MYMX: variants seen among roughly 807,000 people sequenced by gnomAD.
MYMX encodes the protein protein myomixer.
chr6:44,193,094 C>T, the MYMX span, among the ~76,000 whole-genome samples: 34 of 152,138 alleles, frequency 2.2e-4, no homozygotes, highest in South Asian at 7.1e-3. Flanking sequence ...TTTCTGTCAC[C>T]GAGGCCCTCT....
At chr6:44,205,457 G>A in the MYMX span, among the ~76,000 whole-genome samples, 2 of 152,036 alleles carry the variant, frequency 1.3e-5, no homozygotes, top group South Asian at 2.1e-4. Flanking sequence ...CTAAGAGTTT[G>A]AGACCAGCCT....
upstream of MYMX, among the ~76,000 whole-genome samples, chr6:44,216,567 G>A (rs1021580351): frequency 2.0e-5 from 3 of 149,378 alleles, no homozygotes; most frequent in East Asian, 2.0e-4. Flanking sequence ...TAGGAGAATC[G>A]CTTGAACCCA....
the MYMX span, among the ~76,000 whole-genome samples, chr6:44,198,521 A>AT: frequency 3.5e-5 from 5 of 142,202 alleles, no homozygotes; most frequent in African/African-American, 1.3e-4. Context: ...TTACTTATTT[A>AT]TTTTTTTGAC....
the MYMX span, among the ~76,000 whole-genome samples, chr6:44,206,491 CA>C: frequency 6.6e-6 from 1 of 152,196 alleles, no homozygotes; most frequent in Non-Finnish European, 1.5e-5. Context: ...CTCGGCCTCC[CA>C]AAGTGTTGGG....
chr6:44,203,872 G>A, the MYMX span, among the ~76,000 whole-genome samples: 8 of 152,074 alleles, frequency 5.3e-5, no homozygotes, highest in Non-Finnish European at 1.2e-4. Flanking sequence ...TTTTGAGACA[G>A]AGTCTCGCTC....
upstream of MYMX, among the ~76,000 whole-genome samples, chr6:44,216,652 C>CA (rs547725984): frequency 1.7e-3 from 205 of 117,218 alleles, no homozygotes; most frequent in Middle Eastern, 4.4e-3. Flanking sequence ...AACTCTGTCT[C>CA]AAAAAAAAAA....
the MYMX span, among the ~76,000 whole-genome samples, chr6:44,211,174 T>C: frequency 2.0e-5 from 3 of 152,180 alleles, no homozygotes; most frequent in Non-Finnish European, 4.4e-5. Flanking sequence ...TATTTATAGA[T>C]TTGTCATTCT....
At chr6:44,202,281 C>T in the MYMX span, among the ~76,000 whole-genome samples, 1 of 152,008 alleles carries the variant, frequency 6.6e-6, no homozygotes, top group South Asian at 2.1e-4. Context: ...ATGTCTGGCC[C>T]GATTAACTGA....
the MYMX span, among the ~76,000 whole-genome samples, chr6:44,193,739 T>C: frequency 6.6e-6 from 1 of 152,170 alleles, no homozygotes; most frequent in Non-Finnish European, 1.5e-5. Flanking sequence ...TCCCAGCACT[T>C]TGGGAGGCCA....
Position 44,218,005 on chromosome 6 carries a change from G to C in MYMX, c.*279G>C, listed in dbSNP as rs1775975982. 3.2e-6 allele frequency: 1 copy of C among 308,920 alleles called. No homozygotes were observed. Among genetic ancestry groups the C allele is most frequent in the African/African-American group, 2.1e-5 (1 of 46,790 alleles). 19.1% of individuals were successfully genotyped at this position (308,920 alleles called of 1,614,324 possible). On this transcript the variant is annotated 3_prime_UTR_variant, in exon 2 of 2. Transcript: ENST00000573382. ...ATCACCTCTGGCCTCAGGCGGGAGG[G>C]GAACTAACACCCACCCACCCCTGCC...
chr6:44,214,884 C>G (rs781759763), upstream of MYMX, among the ~76,000 whole-genome samples: 2 of 152,108 alleles, frequency 1.3e-5, no homozygotes, highest in African/African-American at 4.8e-5. Flanking sequence ...GTGGTGAGAA[C>G]TGAGCGAGAT....
At chr6:44,193,054 T>A in the MYMX span, among the ~76,000 whole-genome samples, 2 of 152,204 alleles carry the variant, frequency 1.3e-5, no homozygotes, top group South Asian at 4.2e-4. Flanking sequence ...TGCACAAACT[T>A]TTTTACCTTG....
At chr6:44,202,947 G>A in the MYMX span, among the ~76,000 whole-genome samples, 4 of 152,190 alleles carry the variant, frequency 2.6e-5, no homozygotes, top group Non-Finnish European at 4.4e-5. Flanking sequence ...CGGTGGGGTA[G>A]GAGTATCTGG....
the MYMX span, among the ~76,000 whole-genome samples, chr6:44,195,763 G>A: frequency 3.1e-4 from 47 of 152,178 alleles, no homozygotes; most frequent in African/African-American, 1.1e-3. Context: ...CTCACGTTAT[G>A]TATCATGTTT....
At chr6:44,194,689 C>G in the MYMX span, among the ~76,000 whole-genome samples, 1 of 152,202 alleles carries the variant, frequency 6.6e-6, no homozygotes, top group Non-Finnish European at 1.5e-5. Flanking sequence ...TCGGGGACAG[C>G]TGGAAGCAAG....
the MYMX span, among the ~76,000 whole-genome samples, chr6:44,194,476 G>T: frequency 6.6e-6 from 1 of 152,210 alleles, no homozygotes; most frequent in East Asian, 1.9e-4. Context: ...GATTGCCATG[G>T]TGTGGCGTGG....
the MYMX span, among the ~76,000 whole-genome samples, chr6:44,196,612 G>A: frequency 6.6e-6 from 1 of 152,108 alleles, no homozygotes; most frequent in African/African-American, 2.4e-5. Context: ...CCGGGAGGCG[G>A]AATTTGCGTT....
chr6:44,203,983 G>A, the MYMX span, among the ~76,000 whole-genome samples: 1 of 152,140 alleles, frequency 6.6e-6, no homozygotes, highest in African/African-American at 2.4e-5. Flanking sequence ...GAGTAGCTGG[G>A]ATTACAGGCA....
the MYMX span, among the ~76,000 whole-genome samples, chr6:44,194,263 G>A: frequency 6.6e-6 from 1 of 152,190 alleles, no homozygotes; most frequent in East Asian, 1.9e-4. Context: ...ATCACTCTTA[G>A]AATGAAGTCT....
Sources: gnomAD v4.1 joint callset for allele counts (sites outside exome capture counted in the v4.1 genomes callset) on GRCh38, gnomAD v4.1.1 for gene constraint, MANE v1.5 for transcripts, NCBI Gene and HGNC (gene_info 2026-07-23, HGNC 2026-07-21) for gene names.